The following IL31RA variants were observed in gnomAD, a reference collection of about 807,000 sequenced individuals.
The protein encoded by IL31RA is interleukin-31 receptor subunit alpha.
A neutral mutation model predicts 83.7 loss-of-function variants in IL31RA; 66 were observed. The observed-to-expected ratio is 0.79, with a 90% CI of 0.65 to 0.97. IL31RA has a LOEUF of 0.97. Ranked by LOEUF, IL31RA falls within the 50% of genes least tolerant of loss-of-function variation. IL31RA has a pLI of 0.00. For synonymous variants in IL31RA, 325 were observed against 329.0 expected (o/e 0.99, Z 0.13); for missense variants, 798 against 919.4 (o/e 0.87, Z 1.71).
chr5:55,872,536 T>C lies in IL31RA; in HGVS notation c.454+85T>C, dbSNP rs142274646. 1.3e-5 allele frequency: 12 copies of C among 955,592 alleles called. No individual in the cohort carries two copies. In the East Asian group the frequency reaches 1.7e-4, roughly 14 times the overall value. The allele number at this position is 955,592 out of a possible 1,614,324, so 59.2% of individuals were successfully genotyped here. A position where few individuals can be genotyped will look rare whatever the true frequency, so the allele number is the denominator to read the frequency against. Reference sequence around the variant, plus strand: ...CAAGAGGTATCTGTGGACTCAAAAGTAGGCTCATCAAGTTCAAGGATATGT... The same window carrying C: ...CAAGAGGTATCTGTGGACTCAAAAGCAGGCTCATCAAGTTCAAGGATATGT... On this transcript the variant is annotated intron_variant, in intron 4 of 14. Transcript: ENST00000652347.
At chr5:55,888,048 A>AC (rs1267885894) in intron 5 of IL31RA, among the ~76,000 whole-genome samples, 4 of 151,896 alleles carry the variant, frequency 2.6e-5, no homozygotes, top group African/African-American at 9.7e-5. Context: ...AGGGAAAAAA[A>AC]AAAAAACAAA....
At chr5:55,879,764 G>T (rs1291376993) in intron 4 of IL31RA, among the ~76,000 whole-genome samples, 3 of 150,950 alleles carry the variant, frequency 2.0e-5, no homozygotes, top group Non-Finnish European at 4.4e-5. Flanking sequence ...TGTTTTCATG[G>T]GAGAACAAGA....
intron 14 of IL31RA, 47 bp from the exon 15 acceptor site, chr5:55,916,597 A>G (rs1749794783): frequency 6.5e-7 from 1 of 1,530,892 alleles, no homozygotes; most frequent in South Asian, 1.1e-5. Context: ...GCTATGTCAT[A>G]TGTGACTCCT....
At chr5:55,887,219 C>T (rs1747671762) in intron 5 of IL31RA, among the ~76,000 whole-genome samples, 1 of 152,116 alleles carries the variant, frequency 6.6e-6, no homozygotes, top group Admixed American at 6.6e-5. Context: ...CCCATTTTTG[C>T]AGATTAGGAA....
chr5:55,842,826 G>A, the IL31RA span, among the ~76,000 whole-genome samples: 1 of 152,164 alleles, frequency 6.6e-6, no homozygotes, highest in Non-Finnish European at 1.5e-5. Context: ...GGGCTTCATG[G>A]ATTGAATTTC....
chr5:55,843,712 T>C, the IL31RA span, among the ~76,000 whole-genome samples: 2 of 152,224 alleles, frequency 1.3e-5, no homozygotes, highest in Admixed American at 6.5e-5. Context: ...TTTACCATTA[T>C]ATAATGTCCC....
At chr5:55,908,725 G>A (rs574984615) in intron 11 of IL31RA, 84 of 1,452,796 alleles carry the variant, frequency 5.8e-5, no homozygotes, top group African/African-American at 1.7e-4. Context: ...CAGGAATGGC[G>A]TGCCTGGCTT....
chr5:55,880,002 G>A (rs952336008), intron 4 of IL31RA, among the ~76,000 whole-genome samples: 3 of 152,112 alleles, frequency 2.0e-5, no homozygotes, highest in African/African-American at 7.2e-5. Flanking sequence ...GGATACAAAT[G>A]AGTCTTAGAT....
chr5:55,898,714 AAG>A, intron 7 of IL31RA, among the ~76,000 whole-genome samples: 1 of 151,304 alleles, frequency 6.6e-6, no homozygotes, highest in African/African-American at 2.4e-5. Context: ...GTTATTTAAA[AAG>A]AATATGTGTT....
upstream of IL31RA, among the ~76,000 whole-genome samples, chr5:55,847,182 G>C (rs550760038): frequency 6.8e-6 from 1 of 147,024 alleles, no homozygotes; most frequent in Non-Finnish European, 1.5e-5. Context: ...GGTGGAGGTT[G>C]TGGTGAGCCG....
intron 14 of IL31RA, among the ~76,000 whole-genome samples, chr5:55,915,394 G>A (rs1354664480): frequency 2.0e-5 from 3 of 152,146 alleles, no homozygotes; most frequent in South Asian, 2.1e-4. Flanking sequence ...CTCAGGCTGG[G>A]GACGTCAGAG....
At chr5:55,852,861 G>T (rs1388500651) in intron 1 of IL31RA, among the ~76,000 whole-genome samples, 2 of 152,182 alleles carry the variant, frequency 1.3e-5, no homozygotes, top group African/African-American at 4.8e-5. Flanking sequence ...CAGTTTCCTT[G>T]CCTATAAAGT....
intron 4 of IL31RA, among the ~76,000 whole-genome samples, chr5:55,874,687 G>A (rs1278446042): frequency 6.6e-6 from 1 of 152,088 alleles, no homozygotes; most frequent in Non-Finnish European, 1.5e-5. Context: ...CATTGTTAGT[G>A]TATATAAATA....
rs1036153562 is a variant in IL31RA, at chr5:55,920,470, T to C, written c.*3350T>C. Among the ~76,000 whole-genome samples the C allele has an allele frequency of 6.6e-6, 1 of 152,244 alleles. No individual in the cohort carries two copies. Among genetic ancestry groups the C allele is most frequent in the African/African-American group, 2.4e-5 (1 of 41,472 alleles). On this transcript the variant is annotated 3_prime_UTR_variant, in exon 15 of 15. Transcript: ENST00000652347. ...ACAAGAAAAGTCCAAGAAATTCACG[T>C]AGTGTTGACAAAGTGTAATTGGAAC...
chr5:55,867,191 G>GTGTGTGCATGTGTGTT (rs56032030), intron 2 of IL31RA, among the ~76,000 whole-genome samples: 73 of 119,692 alleles, frequency 6.1e-4, no homozygotes, highest in African/African-American at 2.5e-3. Flanking sequence ...ATGTGTGTTT[G>GTGTGTGCATGTGTGTT]TGTGTGTTTG....
chr5:55,909,705 ATCTT>A (rs1749375529), intron 11 of IL31RA, among the ~76,000 whole-genome samples: 2 of 111,664 alleles, frequency 1.8e-5, no homozygotes, highest in Admixed American at 1.0e-4. Flanking sequence ...CCATTTGTAT[ATCTT>A]TTTTTTTTTT....
chr5:55,899,196 G>A (rs1012185122), intron 7 of IL31RA, among the ~76,000 whole-genome samples: 1 of 152,144 alleles, frequency 6.6e-6, no homozygotes, highest in African/African-American at 2.4e-5. Context: ...CCACTTATAA[G>A]TCCTGGACTT....
chr5:55,867,304 C>CGT (rs70995742), intron 2 of IL31RA, among the ~76,000 whole-genome samples: 2,890 of 118,072 alleles, frequency 0.024, 102 homozygotes, highest in African/African-American at 0.082. Context: ...TGTGTGTGTG[C>CGT]GTGTGTGTGT....
In IL31RA at chr5:55,920,380, G is replaced by A. The variant is rs1398738115; in HGVS notation, c.*3260G>A. 1.3e-5 allele frequency among the ~76,000 whole-genome samples: 2 copies of A among 152,212 alleles called. No individual in the cohort carries two copies. Among genetic ancestry groups the A allele is most frequent in the South Asian group, 2.1e-4 (1 of 4,836 alleles). On this transcript the variant is annotated 3_prime_UTR_variant, in exon 15 of 15. Transcript: ENST00000652347. ...CCAAATCCAGGCCCTGTTTTTGTAGGTTCATGAACTAAAAGCTATAATGAC... is the reference window on the plus strand; with the variant it reads ...CCAAATCCAGGCCCTGTTTTTGTAGATTCATGAACTAAAAGCTATAATGAC...
Sources: gnomAD v4.1 joint callset for allele counts (sites outside exome capture counted in the v4.1 genomes callset) on GRCh38, gnomAD v4.1.1 for gene constraint, MANE v1.5 for transcripts, NCBI Gene and HGNC (gene_info 2026-07-23, HGNC 2026-07-21) for gene names.